Variants in PRKN observed in about 807,000 individuals in gnomAD.
PRKN encodes the protein E3 ubiquitin-protein ligase parkin.
Under a neutral mutation model 59.5 loss-of-function variants are expected in PRKN, and 56 were observed. That is an observed-to-expected ratio of 0.94 (90% CI 0.76 to 1.18). PRKN has a LOEUF of 1.18. Among genes scored for constraint, PRKN ranks in the 50% most tolerant of loss-of-function variants. The probability of loss-of-function intolerance (pLI) is 0.00; values close to 1 mark genes in which losing one functional copy is unlikely to be tolerated. For missense variants in PRKN, 657 were observed against 596.4 expected (o/e 1.10, Z -1.06); for synonymous variants, 250 against 222.1 (o/e 1.13, Z -1.12).
At chr6:162,193,841 C>T (rs1420667847) in intron 4 of PRKN, among the ~76,000 whole-genome samples, 1 of 152,156 alleles carries the variant, frequency 6.6e-6, no homozygotes, top group East Asian at 1.9e-4. Flanking sequence ...TGTACAACTG[C>T]CTGGAGCTGT....
In PRKN at chr6:161,613,621, G is replaced by A. The variant is rs892561252; in HGVS notation, c.872-44205C>T. Among the ~76,000 whole-genome samples, 3 of 152,092 alleles carry A rather than the reference G, an allele frequency of 2.0e-5. No individual in the cohort carries two copies. The South Asian group carries it at 6.2e-4, about 32-fold the overall frequency. On this transcript the variant is annotated intron_variant, in intron 7 of 11. Transcript: ENST00000366898. ...TGTGGCAAACATCACCGTTGTCTTA[G>A]AAATTGCCACAGCCACGTCAAGCTT...
At chr6:162,200,297 A>G (rs1356218233) in intron 4 of PRKN, among the ~76,000 whole-genome samples, 14 of 152,102 alleles carry the variant, frequency 9.2e-5, no homozygotes. Flanking sequence ...CCGAGCCGGA[A>G]CCTGACACTT....
intron 1 of PRKN, among the ~76,000 whole-genome samples, chr6:162,631,056 AAAT>A (rs1359719704): frequency 2.6e-5 from 4 of 152,142 alleles, no homozygotes; most frequent in Non-Finnish European, 5.9e-5. Context: ...AGCTTCACTC[AAAT>A]ACAACAGGTC....
Position 161,348,085 on chromosome 6 carries a change from T to C in PRKN, c.*2014A>G, listed in dbSNP as rs1022228804. 1 of 187,920 alleles carries C rather than the reference T, an allele frequency of 5.3e-6. No homozygotes were observed. The highest frequency in any genetic ancestry group is 1.1e-5 in the Non-Finnish European group (1 of 89,236). 11.6% of individuals were successfully genotyped at this position (187,920 alleles called of 1,614,324 possible). A position where few individuals can be genotyped will look rare whatever the true frequency, so the allele number is the denominator to read the frequency against. Reference sequence around the variant, plus strand: ...CAGGCACCGCAAGCCCAACGCAGCATGCAGATTGGGAAGGCGCAATAATGC... The same window carrying C: ...CAGGCACCGCAAGCCCAACGCAGCACGCAGATTGGGAAGGCGCAATAATGC... On this transcript the variant is annotated 3_prime_UTR_variant, in exon 12 of 12. Transcript: ENST00000366898. The surrounding 1 kb of genome is among the most constrained non-coding windows in gnomAD (Gnocchi z 4.9).
At chr6:162,149,615 AG>A (rs749392741) in intron 4 of PRKN, among the ~76,000 whole-genome samples, 8 of 152,156 alleles carry the variant, frequency 5.3e-5, no homozygotes, top group South Asian at 2.1e-4. Flanking sequence ...TGTACTGTTA[AG>A]AGCAAAATGA....
chr6:162,230,161 A>C (rs962981155), intron 3 of PRKN, among the ~76,000 whole-genome samples: 3 of 152,258 alleles, frequency 2.0e-5, no homozygotes, highest in African/African-American at 7.2e-5. Flanking sequence ...GAAATCAAGT[A>C]GTCATTACAT....
At chr6:162,424,814 T>C (rs1325366010) in intron 2 of PRKN, among the ~76,000 whole-genome samples, 1 of 151,722 alleles carries the variant, frequency 6.6e-6, no homozygotes, top group African/African-American at 2.4e-5. Flanking sequence ...GGGGAGGTTG[T>C]GTGTAAGTAA....
intron 1 of PRKN, among the ~76,000 whole-genome samples, chr6:162,540,183 T>C (rs1048736999): frequency 6.6e-6 from 1 of 152,200 alleles, no homozygotes; most frequent in Non-Finnish European, 1.5e-5. Context: ...CCCAAAGTGC[T>C]GGGATTACAG....
intron 6 of PRKN, among the ~76,000 whole-genome samples, chr6:161,870,071 T>C (rs1319979727): frequency 6.6e-6 from 1 of 152,134 alleles, no homozygotes; most frequent in Non-Finnish European, 1.5e-5. Context: ...GGGTAGAGGA[T>C]AGAAAAGTAC....
chr6:162,157,266 G>A (rs1239962886), intron 4 of PRKN, among the ~76,000 whole-genome samples: 1 of 151,648 alleles, frequency 6.6e-6, no homozygotes, highest in African/African-American at 2.4e-5. Context: ...AGAAAAGACA[G>A]GATGGCACTT....
intron 6 of PRKN, among the ~76,000 whole-genome samples, chr6:161,888,361 C>G (rs1429824734): frequency 1.3e-5 from 2 of 152,198 alleles, no homozygotes; most frequent in Admixed American, 6.5e-5. Context: ...CTTTCCAACA[C>G]TTCTGTTGTA....
Position 162,418,414 on chromosome 6 carries a change from T to G in PRKN, c.171+24896A>C, listed in dbSNP as rs549535994. ...GATGAAAGTGTTCTGAAATTGATTG[T>G]GGTGGTGGAGTGAAAACGCTCCCAA... is the stretch of plus-strand genomic sequence containing the variant. On this transcript the variant is annotated intron_variant, in intron 2 of 11. Transcript: ENST00000366898. Among the ~76,000 whole-genome samples, 15 of 152,182 alleles carry G rather than the reference T, an allele frequency of 9.9e-5. No homozygotes were observed. The Middle Eastern group carries it at 0.01, about 104-fold the overall frequency.
At chr6:162,451,579 AAG>A (rs543857383) in intron 1 of PRKN, among the ~76,000 whole-genome samples, 1 of 151,858 alleles carries the variant, frequency 6.6e-6, no homozygotes, top group East Asian at 1.9e-4. Flanking sequence ...AAAAGAAAAA[AAG>A]AGAGAGAGAG....
intron 6 of PRKN, among the ~76,000 whole-genome samples, chr6:161,842,851 T>C (rs1793046810): frequency 6.6e-6 from 1 of 152,174 alleles, no homozygotes; most frequent in South Asian, 2.1e-4. Flanking sequence ...CCCCGCCTCT[T>C]CCTTCTCTTT....
At chr6:162,639,728 G>T (rs925240458) in intron 1 of PRKN, among the ~76,000 whole-genome samples, 2 of 151,994 alleles carry the variant, frequency 1.3e-5, no homozygotes, top group African/African-American at 4.8e-5. Flanking sequence ...TACCCCTTAT[G>T]ATTATAAATA....
At chr6:162,242,097 G>A (rs1779012189) in intron 3 of PRKN, among the ~76,000 whole-genome samples, 1 of 152,004 alleles carries the variant, frequency 6.6e-6, no homozygotes, top group African/African-American at 2.4e-5. Flanking sequence ...CATAAAGAGA[G>A]AAGAAAAAAT....
chr6:161,960,380 A>C (rs1780337054), intron 6 of PRKN, among the ~76,000 whole-genome samples: 1 of 152,212 alleles, frequency 6.6e-6, no homozygotes, highest in African/African-American at 2.4e-5. Context: ...AAAGACATCC[A>C]AATCTTAGCA....
intron 1 of PRKN, among the ~76,000 whole-genome samples, chr6:162,658,674 G>GAAAAAAAAAAAA (rs749187156): frequency 1.0e-5 from 1 of 97,124 alleles, no homozygotes; most frequent in Non-Finnish European, 2.1e-5. Context: ...AAAAAAAAAA[G>GAAAAAAAAAAAA]AAAAAAAAAA....
At chr6:162,556,365 G>GTGTGTGTGTGCA (rs1285934384) in intron 1 of PRKN, among the ~76,000 whole-genome samples, 1 of 79,086 alleles carries the variant, frequency 1.3e-5, no homozygotes, top group Non-Finnish European at 2.8e-5. Context: ...GTGTGTGTGT[G>GTGTGTGTGTGCA]TGTGTGTGTG....
Sources: gnomAD v4.1 joint callset for allele counts (sites outside exome capture counted in the v4.1 genomes callset) on GRCh38, gnomAD v4.1.1 for gene constraint, Gnocchi (gnomAD v3.1) non-coding constraint, MANE v1.5 for transcripts, NCBI Gene and HGNC (gene_info 2026-07-23, HGNC 2026-07-21) for gene names.